The following IQCM variants were observed in gnomAD, a reference collection of about 807,000 sequenced individuals.
The protein encoded by IQCM is IQ domain-containing protein M.
A neutral mutation model predicts 57.6 loss-of-function variants in IQCM; 45 were observed. That is an observed-to-expected ratio of 0.78 (90% CI 0.62 to 1.00). IQCM has a LOEUF of 1.00. Ranked by LOEUF, IQCM falls within the 50% of genes least tolerant of loss-of-function variation. The pLI is 0.00. For missense variants in IQCM, 468 were observed against 511.6 expected, an observed-to-expected ratio of 0.91 and a Z score of 0.82; for synonymous variants, 148 against 158.9, an observed-to-expected ratio of 0.93 and a Z score of 0.51.
At chr4:149,406,826 G>A (rs550157898) in intron 13 of IQCM, among the ~76,000 whole-genome samples, 11 of 152,140 alleles carry the variant, frequency 7.2e-5, no homozygotes, top group East Asian at 1.9e-4. Flanking sequence ...CTGTTTTCAC[G>A]CTGCTGATAA....
At chr4:149,642,421 G>C (rs914180532) in intron 7 of IQCM, among the ~76,000 whole-genome samples, 1 of 152,034 alleles carries the variant, frequency 6.6e-6, no homozygotes, top group Non-Finnish European at 1.5e-5. Flanking sequence ...TAGATTCTTC[G>C]AATAGTTGCT....
At chr4:149,808,214 A>G (rs536860881) in intron 2 of IQCM, among the ~76,000 whole-genome samples, 16 of 152,286 alleles carry the variant, frequency 1.1e-4, no homozygotes, top group Admixed American at 1.0e-3. Flanking sequence ...TAGATGCACA[A>G]TGCAATATTA....
intron 2 of IQCM, among the ~76,000 whole-genome samples, chr4:149,777,127 C>G (rs1771163810): frequency 6.6e-6 from 1 of 152,164 alleles, no homozygotes; most frequent in African/African-American, 2.4e-5. Flanking sequence ...AATAATTTCT[C>G]TTCTACCTAT....
At chr4:149,725,644 C>T (rs1308592230) in intron 5 of IQCM, among the ~76,000 whole-genome samples, 1 of 152,032 alleles carries the variant, frequency 6.6e-6, no homozygotes, top group Non-Finnish European at 1.5e-5. Flanking sequence ...ACCCCCAACA[C>T]TTTGGCCTCA....
Position 149,403,247 on chromosome 4 carries a change from CTT to C in IQCM, c.1390+30147_1390+30148del, listed in dbSNP as rs1287325899. 3.3e-5 allele frequency among the ~76,000 whole-genome samples: 5 copies of C among 151,974 alleles called. No individual in the cohort carries two copies. The South Asian group carries it at 1.0e-3, about 31-fold the overall frequency. On this transcript the variant is annotated intron_variant, in intron 13 of 13. Transcript: ENST00000636793. ...TCTTTCCAAACAAAATTTCTTTTTACTTTTTTTCCTCTGGCACAAGTTCCTGC... is the reference window on the plus strand; with the variant it reads ...TCTTTCCAAACAAAATTTCTTTTTACTTTTTCCTCTGGCACAAGTTCCTGC...
Position 149,639,159 on chromosome 4 carries a change from GC to G in IQCM, c.566-17916del, listed in dbSNP as rs756497670. ...AATGAAGACAGGGATTGGGGCAGGGGCTCACGCCTATAATACCAGCACTTTG... is the reference window on the plus strand; with the variant it reads ...AATGAAGACAGGGATTGGGGCAGGGGTCACGCCTATAATACCAGCACTTTG... On this transcript the variant is annotated intron_variant, in intron 7 of 13. Coordinates refer to ENST00000636793, the MANE Select transcript of IQCM (RefSeq NM_001363507.2). Among the ~76,000 whole-genome samples, 15 of 152,298 alleles carry G rather than the reference GC, an allele frequency of 9.8e-5. No individual in the cohort carries two copies. The South Asian group carries it at 1.2e-3, about 13-fold the overall frequency.
chr4:149,527,005 G>C (rs182774821), intron 12 of IQCM, among the ~76,000 whole-genome samples: 70 of 152,160 alleles, frequency 4.6e-4, no homozygotes, highest in South Asian at 2.1e-3. Flanking sequence ...GATCAGTACA[G>C]CAAGAGGAAT....
chr4:149,620,531 A>G (rs1400732628), intron 8 of IQCM, among the ~76,000 whole-genome samples: 2 of 152,266 alleles, frequency 1.3e-5, no homozygotes, highest in South Asian at 4.1e-4. Flanking sequence ...AAATAGCATT[A>G]CGTGGCCTTT....
intron 12 of IQCM, among the ~76,000 whole-genome samples, chr4:149,504,061 TA>T (rs967338026): frequency 4.6e-5 from 7 of 151,186 alleles, no homozygotes; most frequent in Admixed American, 6.6e-5. Context: ...AGCCAATGAA[TA>T]AAAAAAAATT....
intron 2 of IQCM, among the ~76,000 whole-genome samples, chr4:149,808,498 TTAA>T (rs1308438348): frequency 6.6e-6 from 1 of 152,146 alleles, no homozygotes; most frequent in Non-Finnish European, 1.5e-5. Context: ...GAAATTATAG[TTAA>T]TAATTTATCA....
At chr4:149,448,677 AATG>A (rs1736770018) in intron 12 of IQCM, among the ~76,000 whole-genome samples, 1 of 151,840 alleles carries the variant, frequency 6.6e-6, no homozygotes, top group Admixed American at 6.6e-5. Context: ...AGATAATTAA[AATG>A]ATGACAGAGG....
intron 12 of IQCM, among the ~76,000 whole-genome samples, chr4:149,532,509 CTTTT>C (rs760116885): frequency 4.1e-5 from 5 of 123,038 alleles, no homozygotes; most frequent in Admixed American, 8.3e-5. Context: ...GGATAATTAT[CTTTT>C]TTTTTTTTTT....
chr4:149,594,506 T>A (rs1350170764), intron 8 of IQCM, among the ~76,000 whole-genome samples: 1 of 152,200 alleles, frequency 6.6e-6, no homozygotes, highest in Non-Finnish European at 1.5e-5. Flanking sequence ...AGCTTTTGAA[T>A]GTGTTTGCTC....
intron 12 of IQCM, among the ~76,000 whole-genome samples, chr4:149,524,623 TAATAA>T (rs1745980453): frequency 1.3e-5 from 2 of 151,730 alleles, no homozygotes; most frequent in African/African-American, 4.8e-5. Flanking sequence ...AAAATTTAAA[TAATAA>T]AATAAGCAAA....
intron 7 of IQCM, among the ~76,000 whole-genome samples, chr4:149,648,717 G>A (rs1271831213): frequency 6.6e-6 from 1 of 152,050 alleles, no homozygotes. Flanking sequence ...ATGGACACAG[G>A]AAGAGGAACA....
intron 10 of IQCM, among the ~76,000 whole-genome samples, chr4:149,559,633 C>T (rs1749927536): frequency 6.6e-6 from 1 of 152,186 alleles, no homozygotes. Context: ...TATGTATGCT[C>T]TTCACACACC....
chr4:149,446,941 A>G lies in IQCM; in HGVS notation c.1229-13384T>C, dbSNP rs1431713735. Among the ~76,000 whole-genome samples the G allele has an allele frequency of 2.0e-5, 3 of 151,574 alleles. No homozygotes were observed. The East Asian group carries it at 5.8e-4, about 29-fold the overall frequency. ...AAAGAGCAAAAATCTAAAATAATTC[A>G]TTTATTTATTGAACAATTATGTGAT... On this transcript the variant is annotated intron_variant, in intron 12 of 13. Transcript: ENST00000636793.
chr4:149,569,415 G>C lies in IQCM; in HGVS notation c.750-5525C>G, dbSNP rs550114880. ...TGTTGTCAATATGTTCTTAGTTCAA[G>C]GTGATCAATGACTAAATCCATATGG... On this transcript the variant is annotated intron_variant, in intron 9 of 13. Transcript: ENST00000636793. 4.9e-4 allele frequency among the ~76,000 whole-genome samples: 74 copies of C among 152,092 alleles called. 1 individual carries two copies. In the South Asian group the frequency reaches 0.015, roughly 32 times the overall value.
chr4:149,722,596 A>G (rs1271317372), intron 5 of IQCM, among the ~76,000 whole-genome samples: 1 of 151,928 alleles, frequency 6.6e-6, no homozygotes, highest in Non-Finnish European at 1.5e-5. Flanking sequence ...TCAGTTGGTT[A>G]TAAAGCATTT....
Sources: allele counts gnomAD v4.1 joint callset (sites outside exome capture counted in the v4.1 genomes callset), GRCh38; gene constraint gnomAD v4.1.1; transcripts MANE v1.5; gene names NCBI Gene and HGNC (gene_info 2026-07-23, HGNC 2026-07-21).